CD82: variants seen among roughly 807,000 people sequenced by gnomAD.
CD82 encodes CD82 molecule.
Under a neutral mutation model 37.4 loss-of-function variants are expected in CD82, and 36 were observed. That is an observed-to-expected ratio of 0.96 (90% CI 0.74 to 1.27). The LOEUF (loss-of-function observed/expected upper bound fraction) is 1.27, where lower values mean the gene tolerates loss of function less well. CD82 is among the 50% of genes most tolerant of loss of function. The pLI is 0.00. For missense variants in CD82, 340 were observed against 347.0 expected, an observed-to-expected ratio of 0.98 and a Z score of 0.16; for synonymous variants, 158 against 137.4, an observed-to-expected ratio of 1.15 and a Z score of -1.05.
At chr11:44,613,360 C>A (rs57424204) in intron 6 of CD82, among the ~76,000 whole-genome samples, 18 of 152,104 alleles carry the variant, frequency 1.2e-4, no homozygotes, top group Non-Finnish European at 8.8e-5. Context: ...CTGCCCTCAG[C>A]GGGCTCTGGG....
At chr11:44,615,186 G>T in intron 6 of CD82, 86 bp from the exon 7 acceptor site, 1 of 843,500 alleles carries the variant, frequency 1.2e-6, no homozygotes, top group East Asian at 2.6e-5. Flanking sequence ...TGAGGGGAAC[G>T]GGGGGAGGCA....
upstream of CD82, among the ~76,000 whole-genome samples, chr11:44,565,117 A>G (rs1439397583): frequency 2.0e-5 from 3 of 152,202 alleles, no homozygotes; most frequent in African/African-American, 7.2e-5. Flanking sequence ...CCGCCCTGGA[A>G]TGCCAGCGTG....
chr11:44,583,596 T>C (rs1185284167), intron 1 of CD82, among the ~76,000 whole-genome samples: 1 of 152,186 alleles, frequency 6.6e-6, no homozygotes, highest in East Asian at 1.9e-4. Flanking sequence ...TTTACCTTGT[T>C]CATTTGGGCA....
At chr11:44,579,363 T>C (rs1852947530) in intron 1 of CD82, among the ~76,000 whole-genome samples, 1 of 151,748 alleles carries the variant, frequency 6.6e-6, no homozygotes, top group Non-Finnish European at 1.5e-5. Context: ...CTGGCCTGGC[T>C]CCAGGGGTGG....
intron 1 of CD82, among the ~76,000 whole-genome samples, chr11:44,581,898 G>A (rs1028104587): frequency 6.6e-5 from 10 of 152,184 alleles, no homozygotes; most frequent in African/African-American, 2.2e-4. Context: ...TGGAGGGAGA[G>A]AATTCTGAAA....
chr11:44,589,232 G>A (rs1345064894), intron 2 of CD82, among the ~76,000 whole-genome samples: 3 of 152,202 alleles, frequency 2.0e-5, no homozygotes, highest in African/African-American at 4.8e-5. Context: ...CTCCAGCCTG[G>A]GTGACAGAGC....
At chr11:44,608,494 G>A (rs1452719823) in intron 6 of CD82, among the ~76,000 whole-genome samples, 1 of 152,220 alleles carries the variant, frequency 6.6e-6, no homozygotes, top group Non-Finnish European at 1.5e-5. Flanking sequence ...CTGTGAAAAT[G>A]CAGAATGGTG....
Position 44,594,628 on chromosome 11 carries a change from C to CCTT in CD82, c.-20-12_-20-10dup. 6.4e-7 allele frequency: 1 copy of CCTT among 1,570,778 alleles called. No individual in the cohort carries two copies. Among genetic ancestry groups the CCTT allele is most frequent in the South Asian group, 1.1e-5 (1 of 90,242 alleles). ...GCTGATCCCCTCACTGGCCTGCCTG[C>CCTT]CTTCTCTCTTCCAGGAAGCTCCAGG... On this transcript the variant is annotated splice_polypyrimidine_tract_variant and intron_variant, in intron 2 of 9. Transcript: ENST00000227155.
In CD82 at chr11:44,612,944, T is replaced by A. The variant is rs376793374; in HGVS notation, c.337-2328T>A. On this transcript the variant is annotated intron_variant, in intron 6 of 9. Transcript: ENST00000227155. ...GAGCCACCATGGCCAGCCCCAGCAT[T>A]AATTTAACCAAGGGAGCTGGGTGAG... is the stretch of plus-strand genomic sequence containing the variant. 6.6e-5 allele frequency among the ~76,000 whole-genome samples: 10 copies of A among 152,150 alleles called. 1 individual carries two copies. Among genetic ancestry groups the A allele is most frequent in the African/African-American group, 2.4e-4 (10 of 41,524 alleles).
At chr11:44,616,641 T>C (rs1190171504) in intron 7 of CD82, among the ~76,000 whole-genome samples, 1 of 152,202 alleles carries the variant, frequency 6.6e-6, no homozygotes, top group Non-Finnish European at 1.5e-5. Flanking sequence ...TCCTCATCTA[T>C]ACAATGGGGC....
intron 1 of CD82, among the ~76,000 whole-genome samples, chr11:44,585,855 A>AC (rs1417451442): frequency 6.6e-6 from 1 of 152,100 alleles, no homozygotes; most frequent in Non-Finnish European, 1.5e-5. Flanking sequence ...CCTCTGAAAA[A>AC]CGCAGTGATC....
intron 3 of CD82, among the ~76,000 whole-genome samples, chr11:44,596,667 A>T (rs915677472): frequency 3.9e-5 from 6 of 152,132 alleles, no homozygotes; most frequent in African/African-American, 1.4e-4. Flanking sequence ...AGGATGACCC[A>T]TCAGGATGGT....
At chr11:44,578,407 T>C (rs1852931361) in intron 1 of CD82, among the ~76,000 whole-genome samples, 2 of 152,162 alleles carry the variant, frequency 1.3e-5, no homozygotes, top group Admixed American at 1.3e-4. Flanking sequence ...GCCTGGCCCC[T>C]GGGGACAGAC....
intron 2 of CD82, among the ~76,000 whole-genome samples, chr11:44,591,703 C>G (rs975252624): frequency 6.6e-6 from 1 of 152,214 alleles, no homozygotes; most frequent in African/African-American, 2.4e-5. Flanking sequence ...GATAGGAATA[C>G]TCACTTCCTG....
chr11:44,610,776 C>T (rs182698309), intron 6 of CD82, among the ~76,000 whole-genome samples: 143 of 152,244 alleles, frequency 9.4e-4, no homozygotes, highest in Non-Finnish European at 1.1e-3. Context: ...CTGGCTTCCT[C>T]GGCATTCAAC....
intron 1 of CD82, among the ~76,000 whole-genome samples, chr11:44,580,863 C>T (rs1004936697): frequency 2.6e-5 from 4 of 152,188 alleles, no homozygotes; most frequent in Non-Finnish European, 4.4e-5. Flanking sequence ...AAGGCTGCCT[C>T]GAGGATGTGG....
intron 4 of CD82, among the ~76,000 whole-genome samples, chr11:44,601,711 A>G (rs1470003694): frequency 1.3e-5 from 2 of 152,052 alleles, no homozygotes; most frequent in African/African-American, 4.8e-5. Flanking sequence ...AAGGTCTACT[A>G]TCTGCAGGAG....
chr11:44,596,827 A>G (rs538863201), intron 3 of CD82: 7 of 446,412 alleles, frequency 1.6e-5, no homozygotes, highest in East Asian at 7.0e-5. Context: ...CCTGATTGCT[A>G]TACTTCCGGA....
At chr11:44,567,444 AG>A (rs1161123053) in intron 1 of CD82, among the ~76,000 whole-genome samples, 1 of 104,332 alleles carries the variant, frequency 9.6e-6, no homozygotes, top group Non-Finnish European at 1.9e-5. Flanking sequence ...AAGCCAGGGC[AG>A]GGGGTGGGGG....
Sources: allele counts gnomAD v4.1 joint callset (sites outside exome capture counted in the v4.1 genomes callset), GRCh38; gene constraint gnomAD v4.1.1; transcripts MANE v1.5; gene names NCBI Gene and HGNC (gene_info 2026-07-23, HGNC 2026-07-21).